Variants in AFG2A observed in about 807,000 individuals in gnomAD.
AFG2A encodes the protein ATPase family gene 2 protein homolog A.
chr4:123,109,706 A>G, the AFG2A span, among the ~76,000 whole-genome samples: 1 of 152,064 alleles, frequency 6.6e-6, no homozygotes, highest in Non-Finnish European at 1.5e-5. Context: ...AGTGAATATT[A>G]TTACCACATA....
chr4:122,956,246 TAAG>T, the AFG2A span, among the ~76,000 whole-genome samples: 1 of 152,182 alleles, frequency 6.6e-6, no homozygotes, highest in Non-Finnish European at 1.5e-5. Context: ...AAATGACATC[TAAG>T]AAGAAGCTTA....
At chr4:123,129,102 A>AATTCTGAAATATGGAGGCTACTGC in the AFG2A span, among the ~76,000 whole-genome samples, 2 of 152,216 alleles carry the variant, frequency 1.3e-5, no homozygotes, top group Admixed American at 1.3e-4. Context: ...TGCTCTGATG[A>AATTCTGAAATATGGAGGCTACTGC]ATTCTGAAAT....
At chr4:122,937,206 C>T in the AFG2A span, among the ~76,000 whole-genome samples, 4 of 152,166 alleles carry the variant, frequency 2.6e-5, no homozygotes, top group East Asian at 1.9e-4. Flanking sequence ...TTATGAGTGA[C>T]GTTATGTTTG....
At chr4:123,122,852 G>A in the AFG2A span, among the ~76,000 whole-genome samples, 3 of 149,646 alleles carry the variant, frequency 2.0e-5, no homozygotes, top group South Asian at 2.1e-4. Context: ...TTATCCACAT[G>A]TGTTTATCCT....
chr4:123,203,597 C>T, the AFG2A span, among the ~76,000 whole-genome samples: 1 of 152,148 alleles, frequency 6.6e-6, no homozygotes, highest in East Asian at 1.9e-4. Flanking sequence ...TTTTTTATTC[C>T]TGAGTAGTTA....
the AFG2A span, among the ~76,000 whole-genome samples, chr4:123,261,878 C>T: frequency 6.6e-6 from 1 of 152,218 alleles, no homozygotes; most frequent in Non-Finnish European, 1.5e-5. Flanking sequence ...CTCCTGGGCT[C>T]AAGTGGTCCT....
At chr4:123,289,812 C>T in the AFG2A span, among the ~76,000 whole-genome samples, 1 of 151,824 alleles carries the variant, frequency 6.6e-6, no homozygotes, top group Non-Finnish European at 1.5e-5. Flanking sequence ...CGGTTGTTGG[C>T]CATTTGTATG....
At chr4:123,084,121 C>T in the AFG2A span, among the ~76,000 whole-genome samples, 13 of 151,870 alleles carry the variant, frequency 8.6e-5, no homozygotes, top group Admixed American at 8.5e-4. Flanking sequence ...TTAAAATTAT[C>T]CTTTTAATAT....
chr4:123,244,448 C>T, the AFG2A span, among the ~76,000 whole-genome samples: 2 of 152,194 alleles, frequency 1.3e-5, no homozygotes, highest in African/African-American at 4.8e-5. Flanking sequence ...AGGCAGTATC[C>T]ACAGCTCTGC....
the AFG2A span, chr4:122,947,295 T>C: frequency 6.2e-7 from 1 of 1,613,230 alleles, no homozygotes; most frequent in Non-Finnish European, 8.5e-7. Context: ...CCTTGGATGC[T>C]GCTCTCCGAA....
the AFG2A span, among the ~76,000 whole-genome samples, chr4:122,997,070 T>A: frequency 6.6e-6 from 1 of 152,176 alleles, no homozygotes. Context: ...AAATAATGCT[T>A]TACTAGCTAT....
At chr4:123,060,049 A>T in the AFG2A span, among the ~76,000 whole-genome samples, 1 of 152,102 alleles carries the variant, frequency 6.6e-6, no homozygotes, top group African/African-American at 2.4e-5. Context: ...CTTCAAAATG[A>T]TCTCCTTTGA....
the AFG2A span, among the ~76,000 whole-genome samples, chr4:123,279,845 A>G: frequency 6.6e-6 from 1 of 152,234 alleles, no homozygotes; most frequent in Non-Finnish European, 1.5e-5. Flanking sequence ...AAATTGAGCA[A>G]TCAATACATG....
chr4:122,966,797 C>G, the AFG2A span, among the ~76,000 whole-genome samples: 1 of 152,250 alleles, frequency 6.6e-6, no homozygotes, highest in Admixed American at 6.5e-5. Flanking sequence ...TGATGTATCT[C>G]TCCTATTAGA....
At chr4:123,106,187 G>T in the AFG2A span, among the ~76,000 whole-genome samples, 1 of 152,104 alleles carries the variant, frequency 6.6e-6, no homozygotes, top group East Asian at 1.9e-4. Context: ...CTTGCTGAAG[G>T]CTTAGATAAT....
chr4:122,983,345 C>A, the AFG2A span, among the ~76,000 whole-genome samples: 1 of 152,114 alleles, frequency 6.6e-6, no homozygotes, highest in Admixed American at 6.5e-5. Context: ...CTTCCTTCTG[C>A]TAACTCTGAA....
chr4:123,123,382 AGC>A, the AFG2A span, among the ~76,000 whole-genome samples: 1 of 152,234 alleles, frequency 6.6e-6, no homozygotes, highest in Admixed American at 6.5e-5. Flanking sequence ...TAGTCAGTGT[AGC>A]ACTTTAATCT....
chr4:123,296,052 A>G, the AFG2A span, among the ~76,000 whole-genome samples: 1 of 152,230 alleles, frequency 6.6e-6, no homozygotes, highest in Non-Finnish European at 1.5e-5. Flanking sequence ...GAAATAGGAT[A>G]GCATCATTTT....
At chr4:123,014,812 A>G in the AFG2A span, among the ~76,000 whole-genome samples, 1 of 152,140 alleles carries the variant, frequency 6.6e-6, no homozygotes, top group African/African-American at 2.4e-5. Flanking sequence ...CTTAGCTATT[A>G]TATGTTTAGT....
Sources: gnomAD v4.1 joint callset for allele counts (sites outside exome capture counted in the v4.1 genomes callset) on GRCh38, gnomAD v4.1.1 for gene constraint, MANE v1.5 for transcripts, NCBI Gene and HGNC (gene_info 2026-07-23, HGNC 2026-07-21) for gene names.